Variants in NKAIN3 observed in about 807,000 individuals in gnomAD.
NKAIN3 encodes the protein sodium/potassium transporting ATPase interacting 3.
Under a neutral mutation model 30.2 loss-of-function variants are expected in NKAIN3, and 25 were observed. The ratio of observed to expected loss-of-function variants is 0.83; its 90% CI spans 0.60 to 1.16. NKAIN3 has a LOEUF of 1.16. Ranked by LOEUF, NKAIN3 falls within the 50% of genes most tolerant of loss-of-function variation. The pLI is 0.00. For missense variants in NKAIN3, 225 were observed against 254.1 expected (o/e 0.89, Z 0.78); for synonymous variants, 91 against 89.6 (o/e 1.02, Z -0.09).
At position 62,682,043 on chromosome 8, in the gene NKAIN3, AC is replaced by A. The variant is rs374430473; in HGVS notation, c.274-64888del. 3.3e-3 allele frequency among the ~76,000 whole-genome samples: 497 copies of A among 152,252 alleles called. 4 individuals carry two copies. The highest frequency in any genetic ancestry group is 0.012 in the African/African-American group (482 of 41,546). Reference sequence around the variant, plus strand: ...AGTAGCATGTGGAGACACATCATGAACTTTTGCTCCAAGAACTACTGCAGGA... The same window carrying A: ...AGTAGCATGTGGAGACACATCATGAATTTTGCTCCAAGAACTACTGCAGGA... On this transcript the variant is annotated intron_variant, in intron 3 of 6. Transcript: ENST00000623646.
chr8:62,519,067 A>G (rs1808078819), intron 1 of NKAIN3, among the ~76,000 whole-genome samples: 1 of 152,114 alleles, frequency 6.6e-6, no homozygotes. Context: ...CTTTGTACCA[A>G]ATTTATACAT....
At chr8:62,831,325 A>G (rs1048552436) in intron 4 of NKAIN3, among the ~76,000 whole-genome samples, 1 of 151,438 alleles carries the variant, frequency 6.6e-6, no homozygotes, top group African/African-American at 2.5e-5. Flanking sequence ...GGCTCCATGA[A>G]AAACCTGAAT....
chr8:62,640,192 A>G (rs924842339), intron 3 of NKAIN3, among the ~76,000 whole-genome samples: 1 of 152,108 alleles, frequency 6.6e-6, no homozygotes, highest in African/African-American at 2.4e-5. Context: ...TTGGCTTTGT[A>G]TCCCCACCCA....
chr8:62,280,509 G>A (rs963287277), intron 1 of NKAIN3, among the ~76,000 whole-genome samples: 1 of 152,066 alleles, frequency 6.6e-6, no homozygotes, highest in Admixed American at 6.5e-5. Context: ...TTGGCTGTGG[G>A]TTTCTCATAA....
At chr8:62,351,418 G>T (rs1473202512) in intron 1 of NKAIN3, among the ~76,000 whole-genome samples, 2 of 149,586 alleles carry the variant, frequency 1.3e-5, no homozygotes, top group Admixed American at 1.3e-4. Flanking sequence ...CTTTTCCTCG[G>T]AATATTTTTG....
At chr8:62,446,849 C>T in intron 1 of NKAIN3, among the ~76,000 whole-genome samples, 1 of 152,054 alleles carries the variant, frequency 6.6e-6, no homozygotes, top group South Asian at 2.1e-4. Context: ...TTTTGGTAAT[C>T]CATTCACATG....
intron 4 of NKAIN3, among the ~76,000 whole-genome samples, chr8:62,825,691 A>G (rs552715369): frequency 1.3e-5 from 2 of 152,294 alleles, no homozygotes; most frequent in African/African-American, 4.8e-5. Flanking sequence ...TGCACTGACC[A>G]TGTATGATAT....
intron 1 of NKAIN3, among the ~76,000 whole-genome samples, chr8:62,479,724 G>A (rs1806650501): frequency 6.6e-6 from 1 of 152,120 alleles, no homozygotes; most frequent in African/African-American, 2.4e-5. Context: ...TGATCCTGAG[G>A]ATCACGGCTG....
intron 1 of NKAIN3, among the ~76,000 whole-genome samples, chr8:62,436,968 A>T (rs1210943052): frequency 1.3e-5 from 2 of 152,208 alleles, no homozygotes; most frequent in Non-Finnish European, 2.9e-5. Context: ...AAGTCTAAAG[A>T]AAATGGGCCA....
intron 3 of NKAIN3, among the ~76,000 whole-genome samples, chr8:62,618,715 G>A (rs1811535110): frequency 6.6e-6 from 1 of 152,064 alleles, no homozygotes; most frequent in Non-Finnish European, 1.5e-5. Flanking sequence ...AGCCAAGCCT[G>A]GCCAACTTGG....
chr8:62,324,327 C>T (rs1243770866), intron 1 of NKAIN3, among the ~76,000 whole-genome samples: 1 of 152,020 alleles, frequency 6.6e-6, no homozygotes, highest in Non-Finnish European at 1.5e-5. Context: ...TAAATAGGCT[C>T]TGCAGGGTCC....
chr8:62,607,976 T>A (rs912606435), intron 3 of NKAIN3, among the ~76,000 whole-genome samples: 2 of 152,180 alleles, frequency 1.3e-5, no homozygotes, highest in South Asian at 4.1e-4. Flanking sequence ...AATTTTGTTA[T>A]TCCTAATCTG....
intron 6 of NKAIN3, among the ~76,000 whole-genome samples, chr8:62,963,023 C>T (rs1823614266): frequency 6.6e-6 from 1 of 152,080 alleles, no homozygotes; most frequent in Admixed American, 6.5e-5. Context: ...TCCCTAGTAG[C>T]TGGGATTACA....
intron 1 of NKAIN3, among the ~76,000 whole-genome samples, chr8:62,284,498 T>G (rs1666260417): frequency 6.6e-6 from 1 of 152,014 alleles, no homozygotes; most frequent in Non-Finnish European, 1.5e-5. Context: ...TGGTGGCACA[T>G]GCCTGTAATC....
intron 4 of NKAIN3, among the ~76,000 whole-genome samples, chr8:62,890,857 C>A (rs932473227): frequency 2.0e-5 from 3 of 152,182 alleles, no homozygotes; most frequent in African/African-American, 7.2e-5. Flanking sequence ...GCACCATTTG[C>A]TAATGTGGTA....
At chr8:62,988,246 G>A (rs1416109471), downstream of NKAIN3, among the ~76,000 whole-genome samples, 1 of 152,172 alleles carries the variant, frequency 6.6e-6, no homozygotes, top group African/African-American at 2.4e-5. Context: ...AGTGCAATCT[G>A]TCAGTGGGTC....
intron 5 of NKAIN3, among the ~76,000 whole-genome samples, chr8:62,938,833 A>C (rs1373303662): frequency 2.0e-5 from 3 of 152,196 alleles, no homozygotes; most frequent in Non-Finnish European, 2.9e-5. Flanking sequence ...GTAATATGAC[A>C]AAACAAGGTT....
chr8:62,859,620 A>G (rs994761710), intron 4 of NKAIN3, among the ~76,000 whole-genome samples: 3 of 151,494 alleles, frequency 2.0e-5, no homozygotes, highest in Non-Finnish European at 2.9e-5. Flanking sequence ...GTGTGTGTGC[A>G]TGCGTGTGTG....
At chr8:62,747,195 T>A (rs16929506) in intron 4 of NKAIN3, 66 bp downstream of exon 4, 1 of 1,006,442 alleles carries the variant, frequency 9.9e-7, no homozygotes, top group East Asian at 2.4e-5. Context: ...TTTCTCCACA[T>A]CTACCTGATA....
Sources: allele counts gnomAD v4.1 joint callset (sites outside exome capture counted in the v4.1 genomes callset), GRCh38; gene constraint gnomAD v4.1.1; transcripts MANE v1.5; gene names NCBI Gene and HGNC (gene_info 2026-07-23, HGNC 2026-07-21).